Variants in RAD51B observed in about 807,000 individuals in gnomAD.
The protein encoded by RAD51B is RAD51 paralog B, also known as DNA repair protein RAD51 homolog 2.
In RAD51B, 38 loss-of-function variants were observed where a neutral mutation model predicts 42.2. The ratio of observed to expected loss-of-function variants is 0.90; its 90% CI spans 0.70 to 1.18. The LOEUF is 1.18. RAD51B is among the 50% of genes most tolerant of loss of function. The pLI is 0.00. For synonymous variants in RAD51B, 154 were observed against 145.2 expected (o/e 1.06, Z -0.43); for missense variants, 373 against 400.7 (o/e 0.93, Z 0.59).
intron 10 of RAD51B, 132 bp downstream of exon 10, chr14:68,468,382 G>A: frequency 1.0e-6 from 1 of 970,510 alleles, no homozygotes; most frequent in Non-Finnish European, 1.7e-6. Flanking sequence ...ATTGGCCAGT[G>A]ATATTTACCC....
At chr14:68,468,330 C>G (rs998726837) in intron 10 of RAD51B, 80 bp downstream of exon 10, 3 of 1,375,828 alleles carry the variant, frequency 2.2e-6, no homozygotes, top group South Asian at 2.3e-5. Context: ...TGCTATGGTT[C>G]TGATAGAAGC....
chr14:68,365,090 A>G (rs188765408), intron 8 of RAD51B, among the ~76,000 whole-genome samples: 36 of 152,326 alleles, frequency 2.4e-4, no homozygotes, highest in African/African-American at 8.2e-4. Flanking sequence ...TGAGGAAAGC[A>G]CAGGGCACTG....
intron 7 of RAD51B, among the ~76,000 whole-genome samples, chr14:67,974,581 T>C (rs1483504840): frequency 6.6e-6 from 1 of 152,044 alleles, no homozygotes; most frequent in Admixed American, 6.6e-5. Flanking sequence ...ATAAGGAGGG[T>C]ATAGGCCTAA....
At chr14:68,049,198 G>A (rs930023788) in intron 7 of RAD51B, among the ~76,000 whole-genome samples, 6 of 151,986 alleles carry the variant, frequency 3.9e-5, no homozygotes, top group African/African-American at 1.5e-4. Flanking sequence ...CACACACTGG[G>A]GCCTGTTGTG....
chr14:68,480,536 C>A (rs1165447712), downstream of RAD51B, among the ~76,000 whole-genome samples: 1 of 152,074 alleles, frequency 6.6e-6, no homozygotes, highest in Non-Finnish European at 1.5e-5. Context: ...GGGCAACTGA[C>A]AAAAAGCTGG....
intron 10 of RAD51B, among the ~76,000 whole-genome samples, chr14:68,567,071 G>A (rs1041139476): frequency 2.6e-5 from 4 of 152,128 alleles, no homozygotes; most frequent in Admixed American, 6.5e-5. Context: ...AGGCCGAGGC[G>A]GGTGGATCAC....
intron 7 of RAD51B, among the ~76,000 whole-genome samples, chr14:68,192,748 A>G (rs76892727): frequency 0.015 from 2,225 of 152,098 alleles, 65 homozygotes; most frequent in African/African-American, 0.051. Context: ...TCCTTTTTTA[A>G]CTTTTTGGTT....
intron 7 of RAD51B, among the ~76,000 whole-genome samples, chr14:68,194,527 G>T (rs1168504062): frequency 3.9e-5 from 6 of 152,150 alleles, no homozygotes; most frequent in African/African-American, 1.4e-4. Context: ...GAAGGCCAGG[G>T]ACGGATTACT....
intron 7 of RAD51B, among the ~76,000 whole-genome samples, chr14:68,258,431 A>ACTCT (rs535522450): frequency 1.5e-4 from 22 of 149,110 alleles, no homozygotes; most frequent in African/African-American, 4.9e-4. Flanking sequence ...ACACACACAC[A>ACTCT]CTCTCTCTCT....
At chr14:68,485,637 T>C (rs949625457) in intron 10 of RAD51B, among the ~76,000 whole-genome samples, 1 of 152,132 alleles carries the variant, frequency 6.6e-6, no homozygotes, top group Non-Finnish European at 1.5e-5. Context: ...CCCAAGGTCT[T>C]CTCTGTCCCC....
intron 7 of RAD51B, among the ~76,000 whole-genome samples, chr14:68,120,833 A>G (rs2077638295): frequency 6.6e-6 from 1 of 152,156 alleles, no homozygotes; most frequent in South Asian, 2.1e-4. Flanking sequence ...GCTCTCAGGA[A>G]AGAATCCTCC....
chr14:68,131,667 G>A (rs571227483), intron 7 of RAD51B, among the ~76,000 whole-genome samples: 1 of 152,276 alleles, frequency 6.6e-6, no homozygotes. Context: ...CTTCACTCCA[G>A]CCTAGGTGAC....
chr14:67,910,893 C>A (rs192074377), intron 7 of RAD51B, among the ~76,000 whole-genome samples: 68 of 151,508 alleles, frequency 4.5e-4, no homozygotes, highest in Non-Finnish European at 2.5e-4. Context: ...CTCACTGCAA[C>A]CTCCGCCTCC....
chr14:68,092,824 T>G (rs570141165), intron 7 of RAD51B, among the ~76,000 whole-genome samples: 1 of 152,286 alleles, frequency 6.6e-6, no homozygotes, highest in African/African-American at 2.4e-5. Flanking sequence ...CAGTATGATA[T>G]TGGCTGTGGG....
At chr14:68,185,515 A>G (rs753768575) in intron 7 of RAD51B, among the ~76,000 whole-genome samples, 41 of 152,236 alleles carry the variant, frequency 2.7e-4, no homozygotes, top group Non-Finnish European at 6.0e-4. Flanking sequence ...TTTAAAGGCT[A>G]CAGGAAAAAC....
intron 7 of RAD51B, among the ~76,000 whole-genome samples, chr14:68,118,648 G>A (rs902582527): frequency 1.2e-4 from 19 of 152,202 alleles, no homozygotes; most frequent in Admixed American, 6.5e-4. Flanking sequence ...TCTGTCCATA[G>A]CCATTGTGCA....
At chr14:68,075,912 AG>A (rs1200927566) in intron 7 of RAD51B, among the ~76,000 whole-genome samples, 3 of 152,174 alleles carry the variant, frequency 2.0e-5, no homozygotes, top group Admixed American at 1.3e-4. Flanking sequence ...CTGCAATGGC[AG>A]GGGGGCTGTC....
chr14:68,575,970 C>G (rs867265469), intron 10 of RAD51B, among the ~76,000 whole-genome samples: 3 of 152,168 alleles, frequency 2.0e-5, no homozygotes, highest in Non-Finnish European at 4.4e-5. Flanking sequence ...AATGTTGAGG[C>G]ACCCAGGAAC....
chr14:68,623,528 T>A (rs983233036), intron 10 of RAD51B, among the ~76,000 whole-genome samples: 11 of 152,308 alleles, frequency 7.2e-5, no homozygotes, highest in African/African-American at 2.2e-4. Flanking sequence ...CAGCCTGCAC[T>A]CATCCTGCCA....
Sources: allele counts gnomAD v4.1 joint callset (sites outside exome capture counted in the v4.1 genomes callset), GRCh38; gene constraint gnomAD v4.1.1; transcripts MANE v1.5; gene names NCBI Gene and HGNC (gene_info 2026-07-23, HGNC 2026-07-21).